Variants in RAB5IF observed in about 807,000 individuals in gnomAD.
The protein encoded by RAB5IF is RAB5 interacting factor.
A neutral mutation model predicts 20.3 loss-of-function variants in RAB5IF; 15 were observed. That is an observed-to-expected ratio of 0.74 (90% confidence interval 0.50 to 1.14). The LOEUF (loss-of-function observed/expected upper bound fraction) is 1.14, where lower values mean the gene tolerates loss of function less well. Among genes scored for constraint, RAB5IF ranks in the 50% most tolerant of loss-of-function variants. The probability of loss-of-function intolerance (pLI) is 0.00; values close to 1 mark genes in which losing one functional copy is unlikely to be tolerated. For missense variants in RAB5IF, 148 were observed against 159.5 expected (o/e 0.93, Z 0.39); for synonymous variants, 67 against 63.7 (o/e 1.05, Z -0.25).
In RAB5IF at chr20:36,606,069, C is replaced by T. The variant is rs567096857; in HGVS notation, c.114+4C>T. 3 of 1,462,742 alleles carry T rather than the reference C, an allele frequency of 2.1e-6. No individual in the cohort carries two copies. The highest frequency in any genetic ancestry group is 5.7e-5 in the East Asian group (2 of 35,148). The allele number at this position is 1,462,742 out of a possible 1,614,324, so 90.6% of individuals were successfully genotyped here. On this transcript the variant is annotated splice_donor_region_variant and intron_variant, in intron 1 of 3. Transcript: ENST00000344795. ...CGACGCGGCCTGGGAGGATAAGGTA[C>T]GGTGGAGTCTGAACAGGGCGCGGGT...
intron 2 of RAB5IF, chr20:36,608,130 T>A (rs1156284890): frequency 2.4e-6 from 1 of 413,072 alleles, no homozygotes; most frequent in African/African-American, 2.1e-5. Flanking sequence ...CTGTGACCTT[T>A]GTACCTGTGC....
chr20:36,607,145 A>G (rs2038953293), intron 1 of RAB5IF, among the ~76,000 whole-genome samples: 1 of 152,196 alleles, frequency 6.6e-6, no homozygotes, highest in Non-Finnish European at 1.5e-5. Context: ...TGCGGCCAGT[A>G]GCACAATTAT....
chr20:36,608,305 C>T (rs1179472443), intron 2 of RAB5IF: 1 of 210,606 alleles, frequency 4.7e-6, no homozygotes, highest in African/African-American at 2.3e-5. Context: ...AGCACACTGG[C>T]ACCATCACAG....
chr20:36,611,417 T>C (rs1324975040), intron 3 of RAB5IF, among the ~76,000 whole-genome samples: 1 of 138,414 alleles, frequency 7.2e-6, no homozygotes, highest in Non-Finnish European at 1.5e-5. Flanking sequence ...GGCAATATGG[T>C]GAAACCCATC....
intron 2 of RAB5IF, among the ~76,000 whole-genome samples, chr20:36,609,156 T>TACATACATACACATACACACACAC: frequency 5.9e-5 from 1 of 17,052 alleles, no homozygotes; most frequent in African/African-American, 2.5e-4. Context: ...AGAACTATAT[T>TACATACATACACATACACACACAC]ACACACACAC....
At chr20:36,610,595 T>C (rs1568596632) in intron 3 of RAB5IF, among the ~76,000 whole-genome samples, 1 of 150,590 alleles carries the variant, frequency 6.6e-6, no homozygotes, top group Non-Finnish European at 1.5e-5. Flanking sequence ...CTTGGGAGGC[T>C]GAGGCAGGAA....
intron 2 of RAB5IF, among the ~76,000 whole-genome samples, chr20:36,609,239 A>ACACACACC: frequency 7.7e-6 from 1 of 130,700 alleles, no homozygotes; most frequent in African/African-American, 3.4e-5. Context: ...ACACACACAC[A>ACACACACC]CACACACACA....
At chr20:36,608,632 C>T (rs1051923298) in intron 2 of RAB5IF, among the ~76,000 whole-genome samples, 3 of 147,734 alleles carry the variant, frequency 2.0e-5, no homozygotes, top group South Asian at 2.1e-4. Context: ...GGCGTGATCT[C>T]GGCTCACTGC....
chr20:36,606,633 G>C (rs1409968256), intron 1 of RAB5IF, among the ~76,000 whole-genome samples: 1 of 152,146 alleles, frequency 6.6e-6, no homozygotes, highest in Non-Finnish European at 1.5e-5. Context: ...ACTTTGATAA[G>C]CATGAGTCAA....
In RAB5IF at chr20:36,607,772, G is replaced by A; in HGVS notation, c.172G>A (p.Val58Ile). Reference sequence around the variant, plus strand: ...ACAGATCATTGCTGTGGTCCTGGGTGTCATTTGGGGAGTTTTGCCATTACG... The same window carrying A: ...ACAGATCATTGCTGTGGTCCTGGGTATCATTTGGGGAGTTTTGCCATTACG... ...FRQIIAVVLGVIWGVLPLRGF... is the reference protein window; with the variant it reads ...FRQIIAVVLGIIWGVLPLRGF... The change falls in exon 2 of 4, where the codon GTC becomes ATC. Residue 58 changes from valine to isoleucine, a missense_variant. By Grantham distance (29) the Val-to-Ile change is conservative (BLOSUM62 3). Transcript: ENST00000344795. The A allele has an allele frequency of 6.2e-7, 1 of 1,614,126 alleles. No individual in the cohort carries two copies. Among genetic ancestry groups the A allele is most frequent in the African/African-American group, 1.3e-5 (1 of 75,048 alleles).
rs2039150645 is a variant in RAB5IF, at chr20:36,612,526, A to T, written c.*475A>T. ...AGTTTCCATTGTAGAATGTTTTCAC[A>T]TACTTGAATAAATCAAATCTTTAAT... On this transcript the variant is annotated 3_prime_UTR_variant, in exon 4 of 4. Transcript: ENST00000344795. 2 of 401,696 alleles carry T rather than the reference A, an allele frequency of 5.0e-6. No homozygotes were observed. The highest frequency in any genetic ancestry group is 3.8e-5 in the Admixed American group (1 of 26,300). 24.9% of individuals were successfully genotyped at this position (401,696 alleles called of 1,614,324 possible).
chr20:36,611,380 TGA>T (rs1370867864), intron 3 of RAB5IF, among the ~76,000 whole-genome samples: 6 of 150,998 alleles, frequency 4.0e-5, no homozygotes, highest in African/African-American at 1.5e-4. Context: ...GCAGACTGCT[TGA>T]GTCCAGGAGT....
At chr20:36,611,199 A>G (rs1436324445) in intron 3 of RAB5IF, among the ~76,000 whole-genome samples, 2 of 152,178 alleles carry the variant, frequency 1.3e-5, no homozygotes, top group South Asian at 2.1e-4. Flanking sequence ...CATGTTGGCC[A>G]GGCTGGTCTT....
chr20:36,609,914 A>ATAT, intron 3 of RAB5IF, 184 bp downstream of exon 3: 1 of 938,266 alleles, frequency 1.1e-6, no homozygotes, highest in Non-Finnish European at 1.6e-6. Context: ...GATATACTGT[A>ATAT]CAGTCCCCTG....
At chr20:36,609,239 A>C (rs1273173868) in intron 2 of RAB5IF, among the ~76,000 whole-genome samples, 8 of 130,698 alleles carry the variant, frequency 6.1e-5, no homozygotes, top group East Asian at 4.3e-4. Context: ...ACACACACAC[A>C]CACACACACA....
intron 3 of RAB5IF, among the ~76,000 whole-genome samples, chr20:36,611,493 C>CA (rs60975859): frequency 0.094 from 4,215 of 44,682 alleles, 141 homozygotes; most frequent in African/African-American, 0.12. Context: ...CAGCAGGACT[C>CA]AAAAAAAAAA....
At chr20:36,609,155 T>TCACACACACACA (rs2039009632) in intron 2 of RAB5IF, among the ~76,000 whole-genome samples, 1 of 25,216 alleles carries the variant, frequency 4.0e-5, no homozygotes. Flanking sequence ...GAGAACTATA[T>TCACACACACACA]TACACACACA....
At chr20:36,609,276 TTGCCCAGGCTGTAG>T (rs2039048703) in intron 2 of RAB5IF, among the ~76,000 whole-genome samples, 1 of 148,046 alleles carries the variant, frequency 6.8e-6, no homozygotes, top group South Asian at 2.1e-4. Flanking sequence ...AGTTTCGCTG[TTGCCCAGGCTGTAG>T]TGCAGTGGAA....
intron 3 of RAB5IF, among the ~76,000 whole-genome samples, chr20:36,611,384 T>TCTG (rs1555791061): frequency 4.0e-5 from 6 of 148,916 alleles, no homozygotes; most frequent in African/African-American, 1.5e-4. Context: ...ACTGCTTGAG[T>TCTG]CCAGGAGTTC....
Sources: allele counts gnomAD v4.1 joint callset (sites outside exome capture counted in the v4.1 genomes callset), GRCh38; gene constraint gnomAD v4.1.1; transcripts MANE v1.5; gene names NCBI Gene and HGNC (gene_info 2026-07-23, HGNC 2026-07-21).